The following FSTL4 variants were observed in gnomAD, a reference collection of about 807,000 sequenced individuals.
FSTL4 encodes follistatin like 4.
In FSTL4, 28 loss-of-function variants were observed where a neutral mutation model predicts 78.2. That is an observed-to-expected ratio of 0.36 (90% confidence interval 0.27 to 0.49). The LOEUF is 0.49. FSTL4 is among the 20% of genes least tolerant of loss of function. The pLI, the probability that FSTL4 is intolerant of heterozygous loss-of-function variation, is 0.98. For synonymous variants in FSTL4, 422 were observed against 440.5 expected (o/e 0.96, Z 0.53); for missense variants, 922 against 1,084.9 (o/e 0.85, Z 2.11).
At position 133,221,913 on chromosome 5, in the gene FSTL4, T is replaced by TTTG. The variant is rs1167800807; in HGVS notation, c.1340-1048_1340-1047insCAA. Among the ~76,000 whole-genome samples the TTTG allele has an allele frequency of 3.1e-4, 30 of 97,838 alleles. 1 individual carries two copies. The highest frequency in any genetic ancestry group is 7.8e-4 in the African/African-American group (17 of 21,814). The allele number at this position is 97,838 out of a possible 152,430, so 64.2% of individuals were successfully genotyped here. ...CTAGTTTTTTTTTTTTTTTTTTTTT[T>TTTG]TTTTTTTTTTTTTTAGCATGCTGAG... On this transcript the variant is annotated intron_variant, in intron 11 of 15. Coordinates refer to ENST00000265342, the MANE Select transcript of FSTL4 (RefSeq NM_015082.2).
chr5:133,234,718 T>C (rs1751602900), intron 7 of FSTL4, among the ~76,000 whole-genome samples: 1 of 152,164 alleles, frequency 6.6e-6, no homozygotes, highest in Non-Finnish European at 1.5e-5. Context: ...CATCCAGGAT[T>C]TAGCTTGAGC....
At chr5:133,253,849 A>G (rs1375694524) in intron 6 of FSTL4, among the ~76,000 whole-genome samples, 1 of 152,122 alleles carries the variant, frequency 6.6e-6, no homozygotes, top group Non-Finnish European at 1.5e-5. Context: ...CTGTGTCTCC[A>G]ACATTATTTA....
At chr5:133,267,708 G>T (rs1156849544) in intron 6 of FSTL4, among the ~76,000 whole-genome samples, 1 of 152,146 alleles carries the variant, frequency 6.6e-6, no homozygotes, top group African/African-American at 2.4e-5. Flanking sequence ...TGCCTGCCAT[G>T]CTGTCAGTCA....
At chr5:133,213,647 A>T (rs1750815088) in intron 13 of FSTL4, among the ~76,000 whole-genome samples, 1 of 152,224 alleles carries the variant, frequency 6.6e-6, no homozygotes, top group South Asian at 2.1e-4. Context: ...CATCGTCAAC[A>T]ACAGAATAAT....
At chr5:133,738,586 C>T in the FSTL4 span, among the ~76,000 whole-genome samples, 6 of 152,168 alleles carry the variant, frequency 3.9e-5, no homozygotes, top group African/African-American at 1.4e-4. Context: ...CCTTCTGACC[C>T]AAAGAACTTC....
At chr5:133,246,825 A>C (rs1161939794) in intron 7 of FSTL4, 1 of 152,246 alleles carries the variant, frequency 6.6e-6, no homozygotes, top group Non-Finnish European at 1.5e-5. Flanking sequence ...AGTAATGATG[A>C]CAGTGATAAT....
intron 4 of FSTL4, among the ~76,000 whole-genome samples, chr5:133,368,644 T>C (rs765865444): frequency 1.1e-4 from 16 of 152,226 alleles, no homozygotes; most frequent in Non-Finnish European, 1.9e-4. Flanking sequence ...GGTCTCTTGA[T>C]GCCCAGTTGA....
At chr5:133,528,172 C>T (rs1580768065) in intron 3 of FSTL4, among the ~76,000 whole-genome samples, 2 of 152,298 alleles carry the variant, frequency 1.3e-5, no homozygotes, top group East Asian at 3.9e-4. Flanking sequence ...ACTATTATGG[C>T]TCTAAGAAAT....
At chr5:133,476,045 G>A (rs1474644161) in intron 3 of FSTL4, among the ~76,000 whole-genome samples, 1 of 152,172 alleles carries the variant, frequency 6.6e-6, no homozygotes, top group Non-Finnish European at 1.5e-5. Flanking sequence ...AGGAAAGGAG[G>A]AGGACGAGAG....
chr5:133,283,468 CA>C (rs1298645560), intron 6 of FSTL4, among the ~76,000 whole-genome samples: 1 of 152,162 alleles, frequency 6.6e-6, no homozygotes, highest in East Asian at 1.9e-4. Context: ...GGTCCAGATC[CA>C]GGGGGACAGT....
At chr5:133,345,150 C>T (rs1033521234) in intron 4 of FSTL4, among the ~76,000 whole-genome samples, 23 of 152,218 alleles carry the variant, frequency 1.5e-4, no homozygotes, top group Non-Finnish European at 2.8e-4. Flanking sequence ...TACAAGAAAT[C>T]TCATTTCTTG....
chr5:133,266,441 G>A (rs1289345409), intron 6 of FSTL4: 2 of 152,428 alleles, frequency 1.3e-5, no homozygotes, highest in African/African-American at 4.8e-5. Context: ...AAGGAGGCTT[G>A]GCCCTCTCCC....
At chr5:133,296,797 G>T (rs536896367) in intron 6 of FSTL4, among the ~76,000 whole-genome samples, 1 of 152,214 alleles carries the variant, frequency 6.6e-6, no homozygotes. Context: ...TACAAGTTCC[G>T]TGAGGGCAAG....
intron 11 of FSTL4, chr5:133,221,116 G>C (rs980724885): frequency 1.7e-6 from 1 of 582,420 alleles, no homozygotes; most frequent in Non-Finnish European, 3.1e-6. Flanking sequence ...AAGTCATCTA[G>C]AGTTGGCCAC....
At chr5:133,825,243 A>T in the FSTL4 span, among the ~76,000 whole-genome samples, 1 of 152,190 alleles carries the variant, frequency 6.6e-6, no homozygotes, top group African/African-American at 2.4e-5. Flanking sequence ...CTCCTTTTTC[A>T]GGACTTCATA....
At chr5:133,591,699 G>C (rs1213260805) in intron 2 of FSTL4, among the ~76,000 whole-genome samples, 1 of 152,102 alleles carries the variant, frequency 6.6e-6, no homozygotes. Context: ...ACAGTCTGGG[G>C]CCCAGAGCTG....
At chr5:133,621,175 C>T in the FSTL4 span, among the ~76,000 whole-genome samples, 17,099 of 152,072 alleles carry the variant, frequency 0.11, 1,244 homozygotes, top group East Asian at 0.19. Flanking sequence ...CCGAGGTGGG[C>T]GGATCACGAG....
At chr5:133,480,298 A>G (rs191467412) in intron 3 of FSTL4, among the ~76,000 whole-genome samples, 1 of 152,224 alleles carries the variant, frequency 6.6e-6, no homozygotes, top group Non-Finnish European at 1.5e-5. Flanking sequence ...CATAATATTA[A>G]CCTTTCACCA....
chr5:133,832,584 C>T, the FSTL4 span, among the ~76,000 whole-genome samples: 1 of 152,254 alleles, frequency 6.6e-6, no homozygotes, highest in African/African-American at 2.4e-5. Flanking sequence ...TACCTTCGCT[C>T]TGCCCATGGG....
Sources: gnomAD v4.1 joint callset for allele counts (sites outside exome capture counted in the v4.1 genomes callset) on GRCh38, gnomAD v4.1.1 for gene constraint, MANE v1.5 for transcripts, NCBI Gene and HGNC (gene_info 2026-07-23, HGNC 2026-07-21) for gene names.